Variants in PRORP observed in about 807,000 individuals in gnomAD.
PRORP encodes the protein mitochondrial ribonuclease P catalytic subunit.
In PRORP, 51 loss-of-function variants were observed where a neutral mutation model predicts 59.4. The ratio of observed to expected loss-of-function variants is 0.86; its 90% CI spans 0.69 to 1.08. The LOEUF (loss-of-function observed/expected upper bound fraction) is 1.08. Ranked by LOEUF, PRORP falls within the 50% of genes least tolerant of loss-of-function variation. The probability of loss-of-function intolerance (pLI) is 0.00; values close to 1 mark genes in which losing one functional copy is unlikely to be tolerated. For missense variants in PRORP, 646 were observed against 690.3 expected, an observed-to-expected ratio of 0.94 and a Z score of 0.72; for synonymous variants, 231 against 245.6, an observed-to-expected ratio of 0.94 and a Z score of 0.55.
At chr14:35,265,288 A>C (rs1416018622) in intron 5 of PRORP, among the ~76,000 whole-genome samples, 1 of 152,222 alleles carries the variant, frequency 6.6e-6, no homozygotes, top group Non-Finnish European at 1.5e-5. Flanking sequence ...TTGTGGGCCC[A>C]CCAATTCTCA....
intron 4 of PRORP, among the ~76,000 whole-genome samples, chr14:35,173,999 G>A (rs759668603): frequency 6.6e-6 from 1 of 152,002 alleles, no homozygotes; most frequent in African/African-American, 2.4e-5. Flanking sequence ...TCTCAGGATG[G>A]CTGGTTTCCA....
intron 5 of PRORP, among the ~76,000 whole-genome samples, chr14:35,227,139 T>C (rs2049954822): frequency 1.3e-5 from 2 of 151,946 alleles, no homozygotes; most frequent in Non-Finnish European, 2.9e-5. Flanking sequence ...TGGATTCCAC[T>C]TATTTTCCTT....
intron 5 of PRORP, among the ~76,000 whole-genome samples, chr14:35,230,855 A>G (rs1490386284): frequency 6.6e-6 from 1 of 152,126 alleles, no homozygotes; most frequent in African/African-American, 2.4e-5. Flanking sequence ...TTGCCTAAAC[A>G]TGGCATGGTG....
chr14:35,209,004 C>T (rs1255550154), intron 5 of PRORP, among the ~76,000 whole-genome samples: 4 of 151,934 alleles, frequency 2.6e-5, no homozygotes, highest in Admixed American at 6.6e-5. Flanking sequence ...GCACTCTAGC[C>T]TGGGTGACAG....
rs760918190 is a variant in PRORP at position 35,233,769 on chromosome 14, C to T, written c.1276-32958C>T. Among the ~76,000 whole-genome samples, 11 of 152,052 alleles carry T rather than the reference C, an allele frequency of 7.2e-5. 1 individual carries two copies. Among genetic ancestry groups the T allele is most frequent in the Non-Finnish European group, 1.5e-4 (10 of 68,024 alleles). Reference sequence around the variant, plus strand: ...CATTTCTTTTCCCTTACAATGATCACAGCATGTGTTTTTCCTGAGCTCTGC... The same window carrying T: ...CATTTCTTTTCCCTTACAATGATCATAGCATGTGTTTTTCCTGAGCTCTGC... On this transcript the variant is annotated intron_variant, in intron 5 of 7. Transcript: ENST00000534898.
intron 4 of PRORP, among the ~76,000 whole-genome samples, chr14:35,168,163 T>C (rs1306383310): frequency 2.0e-5 from 3 of 152,214 alleles, no homozygotes; most frequent in Admixed American, 6.5e-5. Context: ...ATGATAAATA[T>C]ATGTTTAACT....
At chr14:35,159,534 A>C (rs564068318) in intron 4 of PRORP, among the ~76,000 whole-genome samples, 1 of 152,152 alleles carries the variant, frequency 6.6e-6, no homozygotes, top group South Asian at 2.1e-4. Flanking sequence ...TTTTCATATC[A>C]GTATCTATTG....
intron 4 of PRORP, among the ~76,000 whole-genome samples, chr14:35,131,243 A>C (rs1352073860): frequency 4.6e-5 from 7 of 152,126 alleles, no homozygotes; most frequent in Non-Finnish European, 8.8e-5. Flanking sequence ...ACAGCTGGCC[A>C]TCCTTTTCTT....
At chr14:35,235,480 C>T (rs956975876) in intron 5 of PRORP, 3 of 631,960 alleles carry the variant, frequency 4.7e-6, no homozygotes, top group Admixed American at 4.2e-5. Flanking sequence ...AGACAACTAG[C>T]TTGATGGGAT....
At chr14:35,215,209 T>TA (rs555385175) in intron 5 of PRORP, among the ~76,000 whole-genome samples, 5 of 152,222 alleles carry the variant, frequency 3.3e-5, no homozygotes, top group South Asian at 2.1e-4. Context: ...TCTAAAAACT[T>TA]AATGATTCAA....
At chr14:35,228,673 C>T (rs1031386515) in intron 5 of PRORP, among the ~76,000 whole-genome samples, 7 of 152,216 alleles carry the variant, frequency 4.6e-5, no homozygotes, top group Non-Finnish European at 8.8e-5. Context: ...TTCCATGGTG[C>T]ATATGTACCA....
At chr14:35,271,857 C>T (rs1050863167) in intron 7 of PRORP, among the ~76,000 whole-genome samples, 1 of 152,100 alleles carries the variant, frequency 6.6e-6, no homozygotes, top group African/African-American at 2.4e-5. Context: ...AAAACCTCAT[C>T]TCTACTAAAA....
At chr14:35,167,999 C>G (rs1194535090) in intron 4 of PRORP, among the ~76,000 whole-genome samples, 5 of 152,224 alleles carry the variant, frequency 3.3e-5, no homozygotes, top group African/African-American at 7.2e-5. Context: ...ACATTTTTCC[C>G]CCATTCATTC....
chr14:35,172,566 C>G (rs1340978627), intron 4 of PRORP, among the ~76,000 whole-genome samples: 2 of 146,668 alleles, frequency 1.4e-5, no homozygotes, highest in Admixed American at 1.4e-4. Flanking sequence ...TTCTTTCTTT[C>G]TTTTCTGAGA....
chr14:35,252,924 C>T (rs1481243020), intron 5 of PRORP, among the ~76,000 whole-genome samples: 1 of 152,178 alleles, frequency 6.6e-6, no homozygotes, highest in East Asian at 1.9e-4. Context: ...CCCCGGCTTT[C>T]TCAGGAACCT....
intron 4 of PRORP, among the ~76,000 whole-genome samples, chr14:35,163,522 T>C (rs2138959952): frequency 6.6e-6 from 1 of 152,300 alleles, no homozygotes; most frequent in South Asian, 2.1e-4. Context: ...ATTAGTGATA[T>C]TGAGCATTTT....
Position 35,274,384 on chromosome 14 carries a change from C to T in PRORP, c.*818C>T, listed in dbSNP as rs1049981616. 1 of 151,398 alleles carries T rather than the reference C, an allele frequency of 6.6e-6. No homozygotes were observed. The highest frequency in any genetic ancestry group is 1.5e-5 in the Non-Finnish European group (1 of 67,974). The allele number at this position is 151,398 out of a possible 1,614,324, so 9.4% of individuals were successfully genotyped here. A position where few individuals can be genotyped will look rare whatever the true frequency, so the allele number is the denominator to read the frequency against. ...ACAAGACTAGTCTCCAACCCCTGGC[C>T]TCAGTCGATCCCCAGCAATTTGGGA... On this transcript the variant is annotated 3_prime_UTR_variant, in exon 8 of 8. Coordinates refer to ENST00000534898, the MANE Select transcript of PRORP (RefSeq NM_014672.4).
chr14:35,259,550 T>C (rs1429866052), intron 5 of PRORP, among the ~76,000 whole-genome samples: 1 of 152,214 alleles, frequency 6.6e-6, no homozygotes, highest in East Asian at 1.9e-4. Flanking sequence ...ACTATTGAAC[T>C]TTTTTAGAAT....
chr14:35,269,435 T>C (rs1265282738), intron 6 of PRORP, among the ~76,000 whole-genome samples: 3 of 152,250 alleles, frequency 2.0e-5, no homozygotes. Context: ...ATCAATTCAC[T>C]GACCTTCTTT....
Sources: allele counts gnomAD v4.1 joint callset (sites outside exome capture counted in the v4.1 genomes callset), GRCh38; gene constraint gnomAD v4.1.1; transcripts MANE v1.5; gene names NCBI Gene and HGNC (gene_info 2026-07-23, HGNC 2026-07-21).